GINS3: variants seen among roughly 807,000 people sequenced by gnomAD.
GINS3 encodes the protein DNA replication complex GINS protein PSF3.
Under a neutral mutation model 20.0 loss-of-function variants are expected in GINS3, and 18 were observed. That is an observed-to-expected ratio of 0.90 (90% confidence interval 0.62 to 1.33). The LOEUF (loss-of-function observed/expected upper bound fraction) is 1.33, where lower values mean the gene tolerates loss of function less well. GINS3 is among the 40% of genes most tolerant of loss of function. The pLI, the probability that GINS3 is intolerant of heterozygous loss-of-function variation, is 0.00. For missense variants in GINS3, 254 were observed against 273.6 expected (o/e 0.93, Z 0.51); for synonymous variants, 109 against 107.0 (o/e 1.02, Z -0.12).
At position 58,405,075 on chromosome 16, in the gene GINS3, C is replaced by T. The variant is rs897487318; in HGVS notation, c.*346C>T. ...TCCTTGTGTCTGGGAGTTTGGACAGCTTCAGATGTACAGTTTCACTAGCCA... is the reference window on the plus strand; with the variant it reads ...TCCTTGTGTCTGGGAGTTTGGACAGTTTCAGATGTACAGTTTCACTAGCCA... On this transcript the variant is annotated 3_prime_UTR_variant, in exon 3 of 3. Transcript: ENST00000318129. 7.3e-5 allele frequency: 18 copies of T among 246,772 alleles called. No individual in the cohort carries two copies. Among genetic ancestry groups the T allele is most frequent in the Non-Finnish European group, 1.6e-5 (2 of 125,360 alleles). The allele number at this position is 246,772 out of a possible 1,614,324, so 15.3% of individuals were successfully genotyped here.
In GINS3 at chr16:58,395,604, CCT is replaced by C. The variant is rs1295588277; in HGVS notation, c.186+2818_186+2819del. Among the ~76,000 whole-genome samples, 5 of 152,238 alleles carry C rather than the reference CCT, an allele frequency of 3.3e-5. No homozygotes were observed. In the East Asian group the frequency reaches 9.7e-4, roughly 29 times the overall value. On this transcript the variant is annotated intron_variant, in intron 1 of 2. Coordinates refer to ENST00000318129, the MANE Select transcript of GINS3 (RefSeq NM_022770.4). ...TGCACCACCCTTAATCCATTCAACC[CCT>C]GAGTGGACACAGCATATGTTTCAGA...
At chr16:58,403,014 C>A (rs1965977228) in intron 1 of GINS3, 84 bp from the exon 2 acceptor site, 5 of 1,089,414 alleles carry the variant, frequency 4.6e-6, no homozygotes, top group Non-Finnish European at 6.9e-6. Context: ...CAGTATTGCG[C>A]AGGCGATGTG....
Position 58,392,522 on chromosome 16 carries a change from C to A in GINS3, c.-80C>A. 6.7e-7 allele frequency: 1 copy of A among 1,485,414 alleles called. No homozygotes were observed. Among genetic ancestry groups the A allele is most frequent in the Non-Finnish European group, 9.2e-7 (1 of 1,087,032 alleles). The allele number at this position is 1,485,414 out of a possible 1,614,324, so 92.0% of individuals were successfully genotyped here. On this transcript the variant is annotated 5_prime_UTR_variant, in exon 1 of 3. Transcript: ENST00000318129. ...CCCCAACCATCCTGCCCAGTCTCCGCTTCCCCGTCTTGTACACCCCTAACT... is the reference window on the plus strand; with the variant it reads ...CCCCAACCATCCTGCCCAGTCTCCGATTCCCCGTCTTGTACACCCCTAACT...
chr16:58,393,178 T>G (rs1011279949), intron 1 of GINS3, among the ~76,000 whole-genome samples: 9 of 152,356 alleles, frequency 5.9e-5, no homozygotes, highest in African/African-American at 2.2e-4. Flanking sequence ...AGCTTTGGGT[T>G]CTGTAAGAGC....
intron 1 of GINS3, among the ~76,000 whole-genome samples, chr16:58,396,881 G>A (rs1965878766): frequency 6.8e-6 from 1 of 147,400 alleles, no homozygotes; most frequent in East Asian, 2.1e-4. Context: ...CGGCTGGCCG[G>A]GCGGGGGGCT....
rs1448200049 is a variant in GINS3 at position 58,392,607 on chromosome 16, A to G, written c.6A>G (p.Ser2=). 6.2e-7 allele frequency: 1 copy of G among 1,613,990 alleles called. No individual in the cohort carries two copies. The highest frequency in any genetic ancestry group is 8.5e-7 in the Non-Finnish European group (1 of 1,179,856). The change falls in exon 1 of 3, where the codon TCA becomes TCG. Residue 2 remains serine, a synonymous_variant. Transcript: ENST00000318129. ...GAGAAGCTCAAGTGGCCGCCATGTC[A>G]GAGGCTTATTTCCGAGTGGAGTCGG... The part of the protein sequence containing the change: M[S]EAYFRVESGA...
intron 1 of GINS3, chr16:58,393,464 C>G (rs538727656): frequency 2.0e-5 from 3 of 152,266 alleles, no homozygotes; most frequent in East Asian, 1.9e-4. Flanking sequence ...CCTGTTTCAC[C>G]TAAGTTTTGT....
rs1392903126 is a variant in GINS3 at position 58,404,509 on chromosome 16, G to T, written c.431G>T (p.Gly144Val). The part of the protein sequence containing the change: ...ISQSLLQTFI[G>V]RFRRIMDSSQ... Reference sequence around the variant, plus strand: ...TCCCTTGTTTCCCAGACTTTTATCGGACGTTTTCGCCGCATCATGGACTCC... The same window carrying T: ...TCCCTTGTTTCCCAGACTTTTATCGTACGTTTTCGCCGCATCATGGACTCC... Residue 144 changes from glycine to valine, a missense_variant, in exon 3 of 3, where the codon GGA becomes GTA. Gly to Val is a moderately radical substitution (Grantham distance 109). Coordinates refer to ENST00000318129, the MANE Select transcript of GINS3 (RefSeq NM_022770.4). 6.2e-7 allele frequency: 1 copy of T among 1,613,830 alleles called. No homozygotes were observed. Among genetic ancestry groups the T allele is most frequent in the Non-Finnish European group, 8.5e-7 (1 of 1,179,766 alleles).
chr16:58,394,662 T>C (rs1345938496), intron 1 of GINS3, among the ~76,000 whole-genome samples: 1 of 152,164 alleles, frequency 6.6e-6, no homozygotes, highest in Non-Finnish European at 1.5e-5. Context: ...TGTTTTTGTT[T>C]TTTATTCTTT....
At position 58,392,786 on chromosome 16, in the gene GINS3, A is replaced by C. The variant is rs1965801058; in HGVS notation, c.185A>C (p.Gln62Pro). The change falls in exon 1 of 3, where the codon CAG becomes CCG. Residue 62 changes from glutamine (Q) to proline (P), a missense_variant and splice_region_variant. Gln to Pro is a moderately conservative substitution (Grantham distance 76). Coordinates refer to ENST00000318129, the MANE Select transcript of GINS3 (RefSeq NM_022770.4). ...GCCGAGACTGACAACGCGGTCCCAC[A>C]GGTGAGCCTTTGGGTGCGGGGTCCT... The part of the protein sequence containing the change: ...AGAETDNAVP[Q>P]GSKLELPLWL... 5 of 1,601,676 alleles carry C rather than the reference A, an allele frequency of 3.1e-6. No homozygotes were observed. The African/African-American group carries it at 4.0e-5, about 13-fold the overall frequency.
intron 1 of GINS3, 120 bp from the exon 2 acceptor site, chr16:58,402,978 A>G: frequency 2.7e-6 from 2 of 746,952 alleles, no homozygotes. Flanking sequence ...TCTGTGCTTG[A>G]CAGCCACTCC....
chr16:58,395,377 A>C (rs868507693), intron 1 of GINS3, among the ~76,000 whole-genome samples: 22 of 148,414 alleles, frequency 1.5e-4, no homozygotes, highest in Middle Eastern at 3.6e-3. Flanking sequence ...TTTCTCGCAA[A>C]GGGGGATTTG....
intron 1 of GINS3, chr16:58,402,795 G>T: frequency 2.3e-6 from 1 of 425,884 alleles, no homozygotes; most frequent in Non-Finnish European, 4.3e-6. Context: ...GTTTACTATA[G>T]CTCTGAAGTG....
At chr16:58,400,600 C>A (rs943218434) in intron 1 of GINS3, among the ~76,000 whole-genome samples, 1 of 152,220 alleles carries the variant, frequency 6.6e-6, no homozygotes, top group African/African-American at 2.4e-5. Context: ...AACCTTGCAG[C>A]AGGCCTTGCT....
intron 1 of GINS3, among the ~76,000 whole-genome samples, chr16:58,401,029 C>T (rs548773640): frequency 2.0e-5 from 3 of 151,834 alleles, no homozygotes; most frequent in Non-Finnish European, 4.4e-5. Context: ...TGGTCAGGCC[C>T]GTCTCGAACC....
chr16:58,399,906 C>G (rs1208074616), intron 1 of GINS3, among the ~76,000 whole-genome samples: 1 of 152,080 alleles, frequency 6.6e-6, no homozygotes, highest in African/African-American at 2.4e-5. Context: ...CATTTTTTCT[C>G]TTGTGTTATT....
intron 1 of GINS3, 66 bp downstream of exon 1, chr16:58,392,853 G>A: frequency 6.9e-7 from 1 of 1,450,862 alleles, no homozygotes; most frequent in Non-Finnish European, 9.2e-7. Context: ...CTCGGCCCTG[G>A]GACGCCGCAT....
chr16:58,395,709 GAA>G (rs1049025115), intron 1 of GINS3, among the ~76,000 whole-genome samples: 68 of 150,740 alleles, frequency 4.5e-4, no homozygotes, highest in African/African-American at 1.2e-3. Flanking sequence ...AGAACAAAAT[GAA>G]AAGTCTCCCA....
At position 58,405,866 on chromosome 16, in the gene GINS3, C is replaced by T. The variant is rs183334114; in HGVS notation, c.*1137C>T. On this transcript the variant is annotated 3_prime_UTR_variant, in exon 3 of 3. Coordinates refer to ENST00000318129, the MANE Select transcript of GINS3 (RefSeq NM_022770.4). ...CACAACTAGCAAAAATTGTCTTTGT[C>T]TTTGGAAATTATAGAGGGATTTGGG... The T allele has an allele frequency of 2.0e-5, 3 of 152,254 alleles. No homozygotes were observed. Among genetic ancestry groups the T allele is most frequent in the Admixed American group, 2.0e-4 (3 of 15,294 alleles). 9.4% of individuals were successfully genotyped at this position (152,254 alleles called of 1,614,324 possible).
Sources: gnomAD v4.1 joint callset for allele counts (sites outside exome capture counted in the v4.1 genomes callset) on GRCh38, gnomAD v4.1.1 for gene constraint, MANE v1.5 for transcripts, NCBI Gene and HGNC (gene_info 2026-07-23, HGNC 2026-07-21) for gene names.